The following ANAPC10 variants were observed in gnomAD, a reference collection of about 807,000 sequenced individuals.
ANAPC10 encodes anaphase-promoting complex subunit 10.
ANAPC10 carries 12 observed loss-of-function variants against 22.0 expected under a neutral mutation model. The observed-to-expected ratio is 0.55, with a 90% confidence interval of 0.35 to 0.88. The LOEUF (loss-of-function observed/expected upper bound fraction) is 0.88. Among genes scored for constraint, ANAPC10 ranks in the 40% least tolerant of loss-of-function variants. The pLI, the probability that ANAPC10 is intolerant of heterozygous loss-of-function variation, is 0.01. For missense variants in ANAPC10, 188 were observed against 220.9 expected, an observed-to-expected ratio of 0.85 and a Z score of 0.94; for synonymous variants, 65 against 69.5, an observed-to-expected ratio of 0.94 and a Z score of 0.32.
intron 4 of ANAPC10, among the ~76,000 whole-genome samples, chr4:145,018,786 C>G (rs1735586405): frequency 6.6e-6 from 1 of 151,960 alleles, no homozygotes; most frequent in Non-Finnish European, 1.5e-5. Flanking sequence ...CAAAAGTGAG[C>G]AGGGGTAGCT....
chr4:145,085,516 G>A (rs1379291898), intron 2 of ANAPC10, among the ~76,000 whole-genome samples: 1 of 150,422 alleles, frequency 6.6e-6, no homozygotes, highest in Non-Finnish European at 1.5e-5. Context: ...TGCTCAAAGA[G>A]GTTCAAAGAA....
intron 4 of ANAPC10, among the ~76,000 whole-genome samples, chr4:145,000,089 C>T (rs1732286208): frequency 6.6e-6 from 1 of 152,132 alleles, no homozygotes; most frequent in Non-Finnish European, 1.5e-5. Context: ...AGACCTAAAA[C>T]CATAAAAACC....
At chr4:145,008,897 T>A (rs1056611686) in intron 4 of ANAPC10, among the ~76,000 whole-genome samples, 1 of 152,162 alleles carries the variant, frequency 6.6e-6, no homozygotes, top group Non-Finnish European at 1.5e-5. Flanking sequence ...GGAAGTCATA[T>A]TGTCCCTGTT....
In ANAPC10 at chr4:145,054,652, C is replaced by T. The variant is rs1187404561; in HGVS notation, c.327+9920G>A. Among the ~76,000 whole-genome samples the T allele has an allele frequency of 1.9e-3, 271 of 143,786 alleles. 1 individual carries two copies. Among genetic ancestry groups the T allele is most frequent in the Non-Finnish European group, 3.0e-3 (198 of 66,072 alleles). The allele number at this position is 143,786 out of a possible 152,430, so 94.3% of individuals were successfully genotyped here. ...GTGTGTGTGTGTGTGCGCGCGCGCG[C>T]GCGTGCGTGCAGCGCATGTGTGTGT... On this transcript the variant is annotated intron_variant, in intron 4 of 4. Coordinates refer to ENST00000507656, the MANE Select transcript of ANAPC10 (RefSeq NM_001256706.2).
intron 4 of ANAPC10, among the ~76,000 whole-genome samples, chr4:145,028,892 G>A (rs987877036): frequency 6.6e-6 from 1 of 152,130 alleles, no homozygotes; most frequent in Non-Finnish European, 1.5e-5. Flanking sequence ...CTAACTCCTG[G>A]CTTCAGAAGC....
chr4:145,013,419 G>C (rs1053021984), intron 4 of ANAPC10, among the ~76,000 whole-genome samples: 21 of 151,888 alleles, frequency 1.4e-4, no homozygotes, highest in Non-Finnish European at 2.8e-4. Context: ...GTAGAAAAGA[G>C]AAAACTCATA....
At chr4:145,073,468 T>C (rs924553994) in intron 3 of ANAPC10, among the ~76,000 whole-genome samples, 4 of 152,140 alleles carry the variant, frequency 2.6e-5, no homozygotes, top group African/African-American at 9.7e-5. Flanking sequence ...ACAGTGTAAT[T>C]TGGGGAGGAG....
chr4:145,049,590 G>GT (rs1405177486), intron 4 of ANAPC10, among the ~76,000 whole-genome samples: 4 of 151,900 alleles, frequency 2.6e-5, no homozygotes, highest in Non-Finnish European at 2.9e-5. Flanking sequence ...ATTTCTTTTT[G>GT]TTTTTTTGAG....
At chr4:145,097,478 G>A (rs1040273948) in intron 1 of ANAPC10, 3 of 1,286,988 alleles carry the variant, frequency 2.3e-6, no homozygotes, top group Non-Finnish European at 3.0e-6. Flanking sequence ...CAAAATAGGT[G>A]CAATAGTTCT....
At chr4:145,065,242 A>T (rs1353760411) in intron 3 of ANAPC10, among the ~76,000 whole-genome samples, 1 of 151,984 alleles carries the variant, frequency 6.6e-6, no homozygotes, top group Non-Finnish European at 1.5e-5. Context: ...ATTGATTTTA[A>T]AATATACATA....
chr4:145,013,908 A>G (rs2126939951), intron 4 of ANAPC10, among the ~76,000 whole-genome samples: 1 of 152,272 alleles, frequency 6.6e-6, no homozygotes. Context: ...ACAGGGGTAG[A>G]GAAAGCAGTG....
intron 3 of ANAPC10, among the ~76,000 whole-genome samples, chr4:145,079,870 T>C (rs1666080829): frequency 6.6e-6 from 1 of 152,020 alleles, no homozygotes; most frequent in South Asian, 2.1e-4. Context: ...TCCCAGCACT[T>C]TGGGAGGCCG....
At chr4:145,018,404 C>T (rs533800720) in intron 4 of ANAPC10, among the ~76,000 whole-genome samples, 2 of 151,976 alleles carry the variant, frequency 1.3e-5, no homozygotes, top group Non-Finnish European at 1.5e-5. Context: ...GAGGCTCAGG[C>T]GGGCAGATTA....
Position 144,994,753 on chromosome 4 carries a change from A to G in ANAPC10, c.*620T>C, listed in dbSNP as rs1160594161. ...TAGATTATACAGGCAATCTTTACATAATATCATTAGGATACAGACAACCCT... is the reference window on the plus strand; with the variant it reads ...TAGATTATACAGGCAATCTTTACATGATATCATTAGGATACAGACAACCCT... On this transcript the variant is annotated 3_prime_UTR_variant, in exon 5 of 5. Coordinates refer to ENST00000507656, the MANE Select transcript of ANAPC10 (RefSeq NM_001256706.2). 6.6e-6 allele frequency: 1 copy of G among 152,118 alleles called. No homozygotes were observed. Among genetic ancestry groups the G allele is most frequent in the Non-Finnish European group, 1.5e-5 (1 of 67,990 alleles). 9.4% of individuals were successfully genotyped at this position (152,118 alleles called of 1,614,324 possible).
chr4:145,009,012 T>C (rs1733868607), intron 4 of ANAPC10, among the ~76,000 whole-genome samples: 1 of 152,168 alleles, frequency 6.6e-6, no homozygotes, highest in Non-Finnish European at 1.5e-5. Flanking sequence ...AAAATCAATG[T>C]GTAAAAATCA....
Position 144,995,399 on chromosome 4 carries a change from A to C in ANAPC10, c.532T>G (p.Phe178Val). 6.2e-7 allele frequency: 1 copy of C among 1,611,646 alleles called. No individual in the cohort carries two copies. Among genetic ancestry groups the C allele is most frequent in the Non-Finnish European group, 8.5e-7 (1 of 1,178,400 alleles). ...GKFPRCTTIDFMMYRSIR is the reference protein window; with the variant it reads ...GKFPRCTTIDVMMYRSIR ...CACCTTATTGAACGATACATCATGA[A>C]ATCTATAGTTGTACATCTAGGAAAT... Residue 178 changes from phenylalanine to valine, a missense_variant, in exon 5 of 5, where the codon TTC (phenylalanine) becomes GTC (valine). Transcript: ENST00000507656.
At chr4:145,043,470 A>C (rs1739820861) in intron 4 of ANAPC10, among the ~76,000 whole-genome samples, 1 of 152,146 alleles carries the variant, frequency 6.6e-6, no homozygotes, top group Non-Finnish European at 1.5e-5. Flanking sequence ...ACAAGTGTGG[A>C]GAGCCAACTA....
intron 4 of ANAPC10, among the ~76,000 whole-genome samples, chr4:145,043,769 A>G (rs1384043941): frequency 6.6e-6 from 1 of 152,146 alleles, no homozygotes; most frequent in African/African-American, 2.4e-5. Flanking sequence ...ATGAAGGCTG[A>G]TATCTGCTGC....
chr4:144,997,668 T>C (rs1379974497), intron 4 of ANAPC10, among the ~76,000 whole-genome samples: 1 of 152,160 alleles, frequency 6.6e-6, no homozygotes, highest in Non-Finnish European at 1.5e-5. Context: ...AGAAACTGCA[T>C]CAACTAAGGA....
Sources: allele counts gnomAD v4.1 joint callset (sites outside exome capture counted in the v4.1 genomes callset), GRCh38; gene constraint gnomAD v4.1.1; transcripts MANE v1.5; gene names NCBI Gene and HGNC (gene_info 2026-07-23, HGNC 2026-07-21).